FAM117B: variants seen among roughly 807,000 people sequenced by gnomAD.
FAM117B encodes protein FAM117B.
FAM117B carries 22 observed loss-of-function variants against 52.8 expected under a neutral mutation model. The ratio of observed to expected loss-of-function variants is 0.42; its 90% CI spans 0.30 to 0.59. FAM117B has a LOEUF of 0.59. Ranked by LOEUF, FAM117B falls within the 20% of genes least tolerant of loss-of-function variation. FAM117B has a pLI of 0.22. For synonymous variants in FAM117B, 309 were observed against 324.1 expected (o/e 0.95, Z 0.50); for missense variants, 678 against 802.6 (o/e 0.84, Z 1.88).
chr2:202,715,258 A>T (rs1207803168), intron 2 of FAM117B, among the ~76,000 whole-genome samples: 2 of 136,648 alleles, frequency 1.5e-5, no homozygotes, highest in Non-Finnish European at 3.1e-5. Flanking sequence ...GCGGGGGCTG[A>T]CCCCCCACCT....
In FAM117B at chr2:202,644,370, T is replaced by C. The variant is rs917426024; in HGVS notation, c.601+8582T>C. Among the ~76,000 whole-genome samples the C allele has an allele frequency of 7.2e-5, 11 of 152,188 alleles. 1 individual carries two copies. The highest frequency in any genetic ancestry group is 4.6e-4 in the Admixed American group (7 of 15,274). The stretch of plus-strand genomic sequence containing the variant: ...TCACAAATTTATCCCTAAGAAAGTT[T>C]TGATAATGGAAACTTCCTGTAAATA... On this transcript the variant is annotated intron_variant, in intron 1 of 7. Coordinates refer to ENST00000392238, the MANE Select transcript of FAM117B (RefSeq NM_173511.4).
intron 1 of FAM117B, among the ~76,000 whole-genome samples, chr2:202,659,756 A>G (rs1690102625): frequency 6.6e-6 from 1 of 151,600 alleles, no homozygotes; most frequent in African/African-American, 2.4e-5. Flanking sequence ...CTGGGATTAC[A>G]GGCACACACT....
rs148502870 is a variant in FAM117B, at chr2:202,739,317, A to G, written c.960+12954A>G. 1.8e-4 allele frequency among the ~76,000 whole-genome samples: 27 copies of G among 152,112 alleles called. No individual in the cohort carries two copies. In the East Asian group the frequency reaches 4.8e-3, roughly 27 times the overall value. On this transcript the variant is annotated intron_variant, in intron 4 of 7. Coordinates refer to ENST00000392238, the MANE Select transcript of FAM117B (RefSeq NM_173511.4). ...ATTTTTAATGGTCCTGTGGTATATC[A>G]TATTATGGATATTCTATGCTTTTCT...
At chr2:202,728,771 T>G (rs1216420422) in intron 4 of FAM117B, among the ~76,000 whole-genome samples, 1 of 152,222 alleles carries the variant, frequency 6.6e-6, no homozygotes, top group East Asian at 1.9e-4. Context: ...TATTCAAATT[T>G]TCATTTTTTT....
At chr2:202,724,050 A>ATT (rs1691196148) in intron 2 of FAM117B, among the ~76,000 whole-genome samples, 1 of 92,438 alleles carries the variant, frequency 1.1e-5, no homozygotes, top group African/African-American at 4.5e-5. Context: ...TTAAGGTTTA[A>ATT]CTTTTTTTTT....
At chr2:202,670,296 T>C (rs1480886129) in intron 1 of FAM117B, among the ~76,000 whole-genome samples, 1 of 146,716 alleles carries the variant, frequency 6.8e-6, no homozygotes, top group African/African-American at 2.7e-5. Flanking sequence ...TTCTTTTTTT[T>C]TTCTTTTTTT....
intron 4 of FAM117B, among the ~76,000 whole-genome samples, chr2:202,738,012 A>G (rs1417230886): frequency 6.6e-6 from 1 of 152,206 alleles, no homozygotes; most frequent in Non-Finnish European, 1.5e-5. Flanking sequence ...TTTAATTTGC[A>G]TTACCCTAAT....
rs182567223 is a variant in FAM117B, at chr2:202,652,237, C to T, written c.601+16449C>T. On this transcript the variant is annotated intron_variant, in intron 1 of 7. Transcript: ENST00000392238. Reference sequence around the variant, plus strand: ...CCTCAGCCTCCTGAGTAGCTGGGACCACAGGTGCATGCCACCTTGCCAGGC... The same window carrying T: ...CCTCAGCCTCCTGAGTAGCTGGGACTACAGGTGCATGCCACCTTGCCAGGC... 2.2e-3 allele frequency among the ~76,000 whole-genome samples: 327 copies of T among 152,056 alleles called. 4 individuals are homozygous for T. Among genetic ancestry groups the T allele is most frequent in the Non-Finnish European group, 1.1e-3 (77 of 67,984 alleles).
chr2:202,753,896 G>A (rs1481195398), intron 4 of FAM117B, among the ~76,000 whole-genome samples: 3 of 152,184 alleles, frequency 2.0e-5, no homozygotes, highest in African/African-American at 7.2e-5. Context: ...GTGAGGCTGT[G>A]GAGAAATAGG....
intron 7 of FAM117B, among the ~76,000 whole-genome samples, chr2:202,763,007 G>T (rs1691918745): frequency 6.7e-6 from 1 of 149,314 alleles, no homozygotes; most frequent in Non-Finnish European, 1.5e-5. Context: ...AAATCAGGAA[G>T]TTTGTACTTC....
At chr2:202,741,914 C>T (rs757466582) in intron 4 of FAM117B, among the ~76,000 whole-genome samples, 1 of 152,034 alleles carries the variant, frequency 6.6e-6, no homozygotes, top group Non-Finnish European at 1.5e-5. Context: ...CAGCAACCAG[C>T]TAGAAGACAT....
chr2:202,702,055 G>T (rs13420800), intron 2 of FAM117B, among the ~76,000 whole-genome samples: 12,421 of 152,146 alleles, frequency 0.082, 1,687 homozygotes, highest in African/African-American at 0.28. Flanking sequence ...TTTGTGAAAG[G>T]ACCTGAGTCC....
At position 202,687,687 on chromosome 2, in the gene FAM117B, A is replaced by T. The variant is rs76206371; in HGVS notation, c.602-8194A>T. ...CAGCCTCCCATAGCATTGGGATTAC[A>T]GGCGTGAGTCACTGTACCCAGCCTG... On this transcript the variant is annotated intron_variant, in intron 1 of 7. Coordinates refer to ENST00000392238, the MANE Select transcript of FAM117B (RefSeq NM_173511.4). Among the ~76,000 whole-genome samples the T allele has an allele frequency of 2.4e-3, 366 of 152,308 alleles. 2 individuals carry two copies. Among genetic ancestry groups the T allele is most frequent in the African/African-American group, 8.3e-3 (345 of 41,574 alleles).
chr2:202,711,785 G>A (rs1424627635), intron 2 of FAM117B, among the ~76,000 whole-genome samples: 4 of 152,068 alleles, frequency 2.6e-5, no homozygotes, highest in African/African-American at 4.8e-5. Flanking sequence ...CCCCAGCACC[G>A]TTTATTGAAC....
intron 4 of FAM117B, among the ~76,000 whole-genome samples, chr2:202,749,875 C>G (rs554364946): frequency 1.3e-5 from 2 of 152,242 alleles, no homozygotes; most frequent in East Asian, 3.9e-4. Context: ...ATCACTATAT[C>G]TCTGGCTTAT....
intron 7 of FAM117B, among the ~76,000 whole-genome samples, 159 bp downstream of exon 7, chr2:202,759,512 C>A (rs1691851490): frequency 6.6e-6 from 1 of 152,004 alleles, no homozygotes; most frequent in Admixed American, 6.6e-5. Flanking sequence ...CCACCTCAAC[C>A]TCCCAAGTAG....
At chr2:202,726,100 A>T (rs771838646) in intron 3 of FAM117B, 150 bp from the exon 4 acceptor site, 15 of 578,502 alleles carry the variant, frequency 2.6e-5, no homozygotes, top group Non-Finnish European at 4.4e-5. Flanking sequence ...ATGTGTATAA[A>T]ATTATGAACA....
chr2:202,764,391 GGTAGCAGGGACTA>G (rs1458340220), intron 7 of FAM117B, among the ~76,000 whole-genome samples: 2 of 151,738 alleles, frequency 1.3e-5, no homozygotes. Flanking sequence ...CAGCCTCCCA[GGTAGCAGGGACTA>G]CAGGTGCATG....
chr2:202,721,382 T>C (rs143944406), intron 2 of FAM117B, among the ~76,000 whole-genome samples: 4 of 152,168 alleles, frequency 2.6e-5, no homozygotes, highest in East Asian at 1.9e-4. Context: ...ATAAAACTTA[T>C]TCTGTTTCTA....
Sources: allele counts gnomAD v4.1 joint callset (sites outside exome capture counted in the v4.1 genomes callset), GRCh38; gene constraint gnomAD v4.1.1; transcripts MANE v1.5; gene names NCBI Gene and HGNC (gene_info 2026-07-23, HGNC 2026-07-21).